The following CSMD1 variants were observed in gnomAD, a reference collection of about 807,000 sequenced individuals.
CSMD1 encodes the protein CUB and Sushi multiple domains 1, also known as CUB and sushi domain-containing protein 1.
CSMD1 carries 213 observed loss-of-function variants against 417.5 expected under a neutral mutation model. The ratio of observed to expected loss-of-function variants is 0.51; its 90% CI spans 0.46 to 0.57. CSMD1 has a LOEUF of 0.57. CSMD1 is among the 20% of genes least tolerant of loss of function. The pLI is 0.00. For synonymous variants in CSMD1, 2,862 were observed against 1,736.8 expected (o/e 1.65, Z -16.11); for missense variants, 6,923 against 4,529.7 (o/e 1.53, Z -15.17).
intron 14 of CSMD1, among the ~76,000 whole-genome samples, chr8:3,407,414 T>TGCAA: frequency 7.1e-6 from 1 of 141,808 alleles, no homozygotes; most frequent in Non-Finnish European, 1.5e-5. Flanking sequence ...GATGAATGGA[T>TGCAA]GGAAGGATGG....
At chr8:4,140,902 T>G (rs149686359) in intron 3 of CSMD1, among the ~76,000 whole-genome samples, 1 of 151,182 alleles carries the variant, frequency 6.6e-6, no homozygotes, top group East Asian at 1.9e-4. Flanking sequence ...ACAGGCTCAG[T>G]AGGGCCGACT....
chr8:3,206,490 G>GTC (rs1177455276), intron 30 of CSMD1, among the ~76,000 whole-genome samples: 2 of 129,716 alleles, frequency 1.5e-5, no homozygotes, highest in Non-Finnish European at 3.2e-5. Flanking sequence ...GTGTATGTGT[G>GTC]TGTGGGTGTA....
At chr8:3,184,643 T>C (rs772956239) in intron 36 of CSMD1, among the ~76,000 whole-genome samples, 2 of 152,256 alleles carry the variant, frequency 1.3e-5, no homozygotes, top group Non-Finnish European at 2.9e-5. Context: ...TACATGGGCA[T>C]ACGACGTGTC....
intron 10 of CSMD1, among the ~76,000 whole-genome samples, chr8:3,532,707 T>G (rs1288565721): frequency 6.6e-6 from 1 of 152,176 alleles, no homozygotes; most frequent in Non-Finnish European, 1.5e-5. Flanking sequence ...TCCAAACAAT[T>G]TGCTTAAAAT....
intron 1 of CSMD1, among the ~76,000 whole-genome samples, chr8:4,900,648 C>T (rs1409594625): frequency 6.6e-6 from 1 of 152,164 alleles, no homozygotes; most frequent in African/African-American, 2.4e-5. Context: ...AGCTCCTGTA[C>T]TCGCCCTACT....
chr8:4,101,558 A>G (rs776616432), intron 3 of CSMD1, among the ~76,000 whole-genome samples: 1 of 152,336 alleles, frequency 6.6e-6, no homozygotes, highest in Admixed American at 6.5e-5. Flanking sequence ...GATGTGTAGG[A>G]AGTTTCTTAA....
intron 3 of CSMD1, among the ~76,000 whole-genome samples, chr8:4,119,190 T>G (rs1195863655): frequency 3.3e-5 from 5 of 152,114 alleles, no homozygotes; most frequent in Admixed American, 6.6e-5. Context: ...CAAACCATCG[T>G]GGCACACATA....
intron 5 of CSMD1, among the ~76,000 whole-genome samples, chr8:3,964,030 G>T (rs1371970867): frequency 6.6e-6 from 1 of 152,154 alleles, no homozygotes; most frequent in Non-Finnish European, 1.5e-5. Flanking sequence ...TTCATGCTTT[G>T]CATAAATTAC....
chr8:3,715,298 T>C (rs990716862), intron 6 of CSMD1, among the ~76,000 whole-genome samples: 2 of 152,206 alleles, frequency 1.3e-5, no homozygotes, highest in African/African-American at 2.4e-5. Flanking sequence ...GCTGATACAC[T>C]GTAAACATCA....
chr8:3,073,489 T>C (rs564172963), intron 49 of CSMD1, among the ~76,000 whole-genome samples: 1 of 152,226 alleles, frequency 6.6e-6, no homozygotes, highest in South Asian at 2.1e-4. Flanking sequence ...AGCAAATACT[T>C]ACATGTATAA....
intron 3 of CSMD1, among the ~76,000 whole-genome samples, chr8:4,396,396 G>A (rs1440321585): frequency 3.3e-5 from 5 of 152,114 alleles, no homozygotes; most frequent in South Asian, 4.1e-4. Flanking sequence ...GAGCCTGGGA[G>A]GCAGAGGTTT....
At chr8:3,237,730 A>G (rs868686153) in intron 26 of CSMD1, among the ~76,000 whole-genome samples, 1,200 of 106,362 alleles carry the variant, frequency 0.011, 177 homozygotes, top group East Asian at 0.061. Flanking sequence ...TATACTACAA[A>G]TATAATTTTT....
intron 1 of CSMD1, among the ~76,000 whole-genome samples, chr8:4,844,554 A>G (rs1038079118): frequency 2.0e-5 from 3 of 152,184 alleles, no homozygotes; most frequent in African/African-American, 7.2e-5. Context: ...TTCAATAACC[A>G]GCCATGAGGG....
At chr8:3,054,796 G>T (rs1485654125) in intron 49 of CSMD1, among the ~76,000 whole-genome samples, 3 of 152,120 alleles carry the variant, frequency 2.0e-5, no homozygotes, top group Non-Finnish European at 4.4e-5. Flanking sequence ...AGACATAAAG[G>T]CATCATTTGG....
chr8:4,204,166 T>G (rs1314989022), intron 3 of CSMD1, among the ~76,000 whole-genome samples: 1 of 152,174 alleles, frequency 6.6e-6, no homozygotes, highest in African/African-American at 2.4e-5. Context: ...ATTCATTGAC[T>G]GTGCCCATGT....
intron 18 of CSMD1, among the ~76,000 whole-genome samples, chr8:3,378,485 T>C (rs568691084): frequency 6.6e-6 from 1 of 152,258 alleles, no homozygotes; most frequent in Admixed American, 6.5e-5. Context: ...AGAACACCGA[T>C]GTGAAAATCC....
At position 3,031,887 on chromosome 8, in the gene CSMD1, A is replaced by C. The variant is rs541434056; in HGVS notation, c.7661-2374T>G. ...TCTCTTTTTTTTTTTTGGCTATGCT[A>C]TACCCTCATTTATTGTAAACACTGT... On this transcript the variant is annotated intron_variant, in intron 50 of 69. Coordinates refer to ENST00000635120, the MANE Select transcript of CSMD1 (RefSeq NM_033225.6). Among the ~76,000 whole-genome samples, 55 of 150,518 alleles carry C rather than the reference A, an allele frequency of 3.7e-4. 1 individual carries two copies. The Middle Eastern group carries it at 0.01, about 28-fold the overall frequency.
chr8:3,767,934 A>C (rs1394031377), intron 5 of CSMD1, among the ~76,000 whole-genome samples: 1 of 152,180 alleles, frequency 6.6e-6, no homozygotes, highest in Non-Finnish European at 1.5e-5. Flanking sequence ...TCCACTTTAC[A>C]TTAATGATGT....
intron 1 of CSMD1, among the ~76,000 whole-genome samples, chr8:4,717,454 C>CTG (rs1808743372): frequency 6.8e-6 from 1 of 147,216 alleles, no homozygotes; most frequent in African/African-American, 2.5e-5. Flanking sequence ...TATACACACA[C>CTG]TATATATATA....
Sources: allele counts gnomAD v4.1 joint callset (sites outside exome capture counted in the v4.1 genomes callset), GRCh38; gene constraint gnomAD v4.1.1; transcripts MANE v1.5; gene names NCBI Gene and HGNC (gene_info 2026-07-23, HGNC 2026-07-21).